PRMT7: variants seen among roughly 807,000 people sequenced by gnomAD.
PRMT7 encodes protein arginine N-methyltransferase 7.
A neutral mutation model predicts 85.4 loss-of-function variants in PRMT7; 75 were observed. The ratio of observed to expected loss-of-function variants is 0.88; its 90% CI spans 0.73 to 1.06. The LOEUF is 1.06. PRMT7 is among the 50% of genes least tolerant of loss of function. The pLI is 0.00. For synonymous variants in PRMT7, 397 were observed against 359.5 expected, an observed-to-expected ratio of 1.10 and a Z score of -1.18; for missense variants, 868 against 915.2, an observed-to-expected ratio of 0.95 and a Z score of 0.67.
intron 3 of PRMT7, among the ~76,000 whole-genome samples, chr16:68,320,949 A>G (rs2082416541): frequency 6.6e-6 from 1 of 151,834 alleles, no homozygotes. Flanking sequence ...CCTGGGTGAC[A>G]TAACGAGACC....
intron 4 of PRMT7, 188 bp from the exon 5 acceptor site, chr16:68,324,495 T>G: frequency 3.2e-6 from 2 of 626,978 alleles, no homozygotes; most frequent in East Asian, 5.5e-5. Context: ...GGACAGTCGC[T>G]TAATAAAGGG....
At chr16:68,352,166 G>T (rs76159452) in intron 14 of PRMT7, 82 bp from the exon 15 acceptor site, 1 of 1,431,752 alleles carries the variant, frequency 7.0e-7, no homozygotes, top group Non-Finnish European at 9.5e-7. Context: ...TGACTGAGTG[G>T]CCTGTTGCTT....
chr16:68,322,267 C>A, intron 4 of PRMT7: 1 of 301,206 alleles, frequency 3.3e-6, no homozygotes, highest in Non-Finnish European at 6.8e-6. Flanking sequence ...GGTGTGATCT[C>A]GGCTGCACTG....
At chr16:68,318,782 C>T (rs1481154156) in intron 3 of PRMT7, 1 of 152,308 alleles carries the variant, frequency 6.6e-6, no homozygotes, top group East Asian at 1.9e-4. Flanking sequence ...ATCCACCTGC[C>T]TCTGCCTCCC....
At chr16:68,320,208 C>A (rs2082334610) in intron 3 of PRMT7, among the ~76,000 whole-genome samples, 1 of 152,146 alleles carries the variant, frequency 6.6e-6, no homozygotes, top group Non-Finnish European at 1.5e-5. Flanking sequence ...GATCAAGATG[C>A]TAGTGGCTGT....
At position 68,321,430 on chromosome 16, in the gene PRMT7, T is replaced by C. The variant is rs2082482920; in HGVS notation, c.100T>C (p.Ser34Pro). 2 of 1,609,480 alleles carry C rather than the reference T, an allele frequency of 1.2e-6. No homozygotes were observed. The highest frequency in any genetic ancestry group is 1.7e-6 in the Non-Finnish European group (2 of 1,176,400). ...YDYHQEIARS[S>P]YADMLHDKDR... ...ACTGACTTTTTTGTTTTTTAGGTCATCTTATGCAGATATGCTACATGACAA... is the reference window on the plus strand; with the variant it reads ...ACTGACTTTTTTGTTTTTTAGGTCACCTTATGCAGATATGCTACATGACAA... Residue 34 changes from serine to proline, a missense_variant, in exon 4 of 19, where the codon TCT becomes CCT. Ser to Pro is a moderately conservative substitution (Grantham distance 74, BLOSUM62 -1). Coordinates refer to ENST00000441236, the MANE Select transcript of PRMT7 (RefSeq NM_019023.5).
chr16:68,315,666 G>T, intron 2 of PRMT7: 1 of 340,094 alleles, frequency 2.9e-6, no homozygotes, highest in Admixed American at 4.7e-5. Flanking sequence ...ATCTGTTGTA[G>T]TTTTTTAATG....
intron 5 of PRMT7, among the ~76,000 whole-genome samples, chr16:68,326,205 C>T (rs909124238): frequency 6.6e-6 from 1 of 152,118 alleles, no homozygotes; most frequent in South Asian, 2.1e-4. Flanking sequence ...TAAATACTTT[C>T]CCTACAAAAT....
chr16:68,353,462 G>T, intron 15 of PRMT7, 30 bp from the exon 16 acceptor site: 1 of 1,610,080 alleles, frequency 6.2e-7, no homozygotes, highest in Non-Finnish European at 8.5e-7. Flanking sequence ...CTGGCGGGCG[G>T]GTGTGGACGG....
At chr16:68,326,009 A>G (rs1408077190) in intron 5 of PRMT7, among the ~76,000 whole-genome samples, 2 of 152,236 alleles carry the variant, frequency 1.3e-5, no homozygotes, top group Non-Finnish European at 2.9e-5. Flanking sequence ...CAGAGCAAGA[A>G]AAATTAAAAA....
intron 4 of PRMT7, chr16:68,322,324 C>T: frequency 4.8e-6 from 2 of 414,152 alleles, no homozygotes; most frequent in Admixed American, 2.6e-5. Context: ...CTCAGCCTTC[C>T]CAGTAGCTGG....
At chr16:68,327,364 A>G (rs1434799552) in intron 5 of PRMT7, among the ~76,000 whole-genome samples, 1 of 152,178 alleles carries the variant, frequency 6.6e-6, no homozygotes, top group Non-Finnish European at 1.5e-5. Flanking sequence ...TAAGTTGAAA[A>G]CAAAGAGTTG....
intron 5 of PRMT7, among the ~76,000 whole-genome samples, chr16:68,326,966 G>A (rs547299215): frequency 1.3e-5 from 2 of 152,308 alleles, no homozygotes; most frequent in Non-Finnish European, 2.9e-5. Flanking sequence ...AGTGATTGGT[G>A]AGAACTAGGG....
At chr16:68,328,166 C>T (rs1440143783) in intron 5 of PRMT7, 1 of 288,252 alleles carries the variant, frequency 3.5e-6, no homozygotes. Flanking sequence ...GACTTCTGAC[C>T]AACCCCAGCT....
chr16:68,360,865 G>GA (rs1318299785), downstream of PRMT7: 1 of 251,876 alleles, frequency 4.0e-6, no homozygotes, highest in African/African-American at 2.2e-5. Flanking sequence ...AAGAACCCTG[G>GA]ACGAAGCTTA....
Position 68,355,843 on chromosome 16 carries a change from C to A in PRMT7, c.1771C>A (p.Leu591Met). Residue 591 changes from leucine (L) to methionine (M), a missense_variant, in exon 17 of 19, where the codon CTG becomes ATG. Coordinates refer to ENST00000441236, the MANE Select transcript of PRMT7 (RefSeq NM_019023.5). Reference sequence around the variant, plus strand: ...CTTTGACTTCCAGCAGCCGGTGCCCCTGCAGCCCCTGTGTGCCGAGGGCAC... The same window carrying A: ...CTTTGACTTCCAGCAGCCGGTGCCCATGCAGCCCCTGTGTGCCGAGGGCAC... Reference protein sequence around the residue: ...LTFDFQQPVPLQPLCAEGTVE... With the variant: ...LTFDFQQPVPMQPLCAEGTVE... 2 of 1,608,662 alleles carry A rather than the reference C, an allele frequency of 1.2e-6. No individual in the cohort carries two copies.
chr16:68,344,087 C>T (rs2085948745), intron 9 of PRMT7, among the ~76,000 whole-genome samples: 1 of 152,228 alleles, frequency 6.6e-6, no homozygotes, highest in South Asian at 2.1e-4. Flanking sequence ...CCCACCTCAG[C>T]CTCCTGAGTA....
intron 2 of PRMT7, 66 bp from the exon 3 acceptor site, chr16:68,315,831 G>C: frequency 1.5e-6 from 1 of 679,366 alleles, no homozygotes; most frequent in East Asian, 2.8e-5. Flanking sequence ...GGGGCATTGT[G>C]CTGTTAATAG....
chr16:68,343,727 T>C (rs1438194138), intron 9 of PRMT7, among the ~76,000 whole-genome samples: 2 of 152,254 alleles, frequency 1.3e-5, no homozygotes, highest in African/African-American at 2.4e-5. Flanking sequence ...GTGTTATTCC[T>C]GTTACTATTT....
Sources: gnomAD v4.1 joint callset for allele counts (sites outside exome capture counted in the v4.1 genomes callset) on GRCh38, gnomAD v4.1.1 for gene constraint, MANE v1.5 for transcripts, NCBI Gene and HGNC (gene_info 2026-07-23, HGNC 2026-07-21) for gene names.